Variants in CNTNAP2 observed in about 807,000 individuals in gnomAD.
CNTNAP2 encodes the protein contactin-associated protein-like 2.
CNTNAP2 carries 98 observed loss-of-function variants against 155.2 expected under a neutral mutation model. The observed-to-expected ratio is 0.63, with a 90% CI of 0.54 to 0.75. CNTNAP2 has a LOEUF of 0.75. CNTNAP2 is among the 30% of genes least tolerant of loss of function. CNTNAP2 has a pLI of 0.00. For synonymous variants in CNTNAP2, 651 were observed against 631.2 expected (o/e 1.03, Z -0.47); for missense variants, 1,727 against 1,688.1 (o/e 1.02, Z -0.40).
chr7:147,383,909 A>C (rs992462859), intron 9 of CNTNAP2, among the ~76,000 whole-genome samples: 45 of 152,178 alleles, frequency 3.0e-4, no homozygotes, highest in African/African-American at 1.1e-3. Context: ...TAACTAAATA[A>C]ACCAATGCAG....
chr7:147,350,280 A>C (rs1795946923), intron 9 of CNTNAP2, among the ~76,000 whole-genome samples: 1 of 151,962 alleles, frequency 6.6e-6, no homozygotes, highest in South Asian at 2.1e-4. Flanking sequence ...TGAAAATAAC[A>C]CAAGATTTAG....
At chr7:147,307,812 C>A (rs1795059051) in intron 9 of CNTNAP2, among the ~76,000 whole-genome samples, 1 of 152,154 alleles carries the variant, frequency 6.6e-6, no homozygotes, top group Non-Finnish European at 1.5e-5. Context: ...GGCCTACATT[C>A]ATTCATTTAT....
At chr7:147,705,537 AAGT>A in intron 13 of CNTNAP2, among the ~76,000 whole-genome samples, 1 of 152,254 alleles carries the variant, frequency 6.6e-6, no homozygotes, top group Middle Eastern at 3.4e-3. Context: ...CTGCTGAATG[AAGT>A]GTTCTCTAGA....
intron 12 of CNTNAP2, among the ~76,000 whole-genome samples, chr7:147,581,206 A>G (rs1800492770): frequency 1.3e-5 from 2 of 152,200 alleles, no homozygotes; most frequent in African/African-American, 4.8e-5. Context: ...TCATTATAAT[A>G]TCCACTTTAT....
At chr7:146,394,018 C>A (rs774630724) in intron 1 of CNTNAP2, among the ~76,000 whole-genome samples, 2 of 152,114 alleles carry the variant, frequency 1.3e-5, no homozygotes, top group African/African-American at 4.8e-5. Flanking sequence ...TTCTTCAGAT[C>A]TTTTCAAAGG....
rs376384211 is a variant in CNTNAP2 at position 148,169,819 on chromosome 7, G to A, written c.2774-2423G>A. Among the ~76,000 whole-genome samples, 4 of 149,796 alleles carry A rather than the reference G, an allele frequency of 2.7e-5. No homozygotes were observed. The South Asian group carries it at 8.5e-4, about 32-fold the overall frequency. On this transcript the variant is annotated intron_variant, in intron 17 of 23. Transcript: ENST00000361727. ...TACTAAAAATACAAAAATTAGCTGGGTGTGGTGGCGTGTGCCTGTAGTCCC... is the reference window on the plus strand; with the variant it reads ...TACTAAAAATACAAAAATTAGCTGGATGTGGTGGCGTGTGCCTGTAGTCCC...
chr7:147,325,296 C>T (rs573963017), intron 9 of CNTNAP2, among the ~76,000 whole-genome samples: 57 of 152,286 alleles, frequency 3.7e-4, no homozygotes, highest in African/African-American at 1.3e-3. Flanking sequence ...CAGGGCAAGA[C>T]TCCATCTCAA....
At position 146,622,380 on chromosome 7, in the gene CNTNAP2, C is replaced by T. The variant is rs530666344; in HGVS notation, c.98-151891C>T. On this transcript the variant is annotated intron_variant, in intron 1 of 23. Coordinates refer to ENST00000361727, the MANE Select transcript of CNTNAP2 (RefSeq NM_014141.6). The stretch of plus-strand genomic sequence containing the variant: ...TGTTGTTGTTGGGTAATGGTACTTA[C>T]CAGAAACCAGTATCTGGATGCTATG... 2.6e-5 allele frequency among the ~76,000 whole-genome samples: 4 copies of T among 151,794 alleles called. No homozygotes were observed. The East Asian group carries it at 7.8e-4, about 29-fold the overall frequency.
chr7:147,367,885 A>T (rs1310120195), intron 9 of CNTNAP2, among the ~76,000 whole-genome samples: 1 of 151,924 alleles, frequency 6.6e-6, no homozygotes, highest in Non-Finnish European at 1.5e-5. Flanking sequence ...TTTACTTTTC[A>T]CTCTACCATC....
intron 1 of CNTNAP2, among the ~76,000 whole-genome samples, chr7:146,543,689 C>A (rs966257874): frequency 5.9e-5 from 9 of 151,884 alleles, no homozygotes; most frequent in Non-Finnish European, 8.8e-5. Context: ...GTTTCCTAAA[C>A]CCTCTTTACT....
At chr7:147,306,871 C>T (rs1795038932) in intron 9 of CNTNAP2, among the ~76,000 whole-genome samples, 2 of 152,208 alleles carry the variant, frequency 1.3e-5, no homozygotes, top group East Asian at 3.9e-4. Context: ...TCATTAAAGA[C>T]TTTACTTGTA....
intron 13 of CNTNAP2, among the ~76,000 whole-genome samples, chr7:147,776,011 T>TC (rs1224315290): frequency 6.6e-6 from 1 of 152,208 alleles, no homozygotes; most frequent in African/African-American, 2.4e-5. Flanking sequence ...AAGTAGTTTT[T>TC]CACTCAATAT....
chr7:147,944,069 A>G (rs1410738596), intron 14 of CNTNAP2, among the ~76,000 whole-genome samples: 2 of 152,172 alleles, frequency 1.3e-5, no homozygotes, highest in African/African-American at 4.8e-5. Flanking sequence ...TTCCCAGTCT[A>G]TCAATCTCCA....
chr7:148,385,218 G>A (rs914632678), intron 22 of CNTNAP2, among the ~76,000 whole-genome samples: 5 of 152,154 alleles, frequency 3.3e-5, no homozygotes, highest in Admixed American at 2.0e-4. Context: ...ATTTACAGAC[G>A]AAACAATCCT....
chr7:146,799,075 G>T (rs1195600831), intron 2 of CNTNAP2, among the ~76,000 whole-genome samples: 1 of 152,024 alleles, frequency 6.6e-6, no homozygotes. Flanking sequence ...TTGATGTATT[G>T]GAAATGTGAT....
At chr7:146,201,452 G>A (rs1023773943) in intron 1 of CNTNAP2, among the ~76,000 whole-genome samples, 1 of 152,110 alleles carries the variant, frequency 6.6e-6, no homozygotes, top group African/African-American at 2.4e-5. Context: ...TCCCTCTGCT[G>A]GATGTTCAAG....
intron 3 of CNTNAP2, among the ~76,000 whole-genome samples, chr7:146,903,651 A>G (rs1267753498): frequency 2.0e-5 from 3 of 152,162 alleles, no homozygotes; most frequent in Non-Finnish European, 4.4e-5. Context: ...ACCTTAGGCA[A>G]AGGAATCAGC....
chr7:147,197,548 G>GA (rs771744538), intron 8 of CNTNAP2, among the ~76,000 whole-genome samples: 2 of 151,914 alleles, frequency 1.3e-5, no homozygotes, highest in Non-Finnish European at 2.9e-5. Flanking sequence ...TCTCTTGCCG[G>GA]AAAAAAGGGG....
At chr7:148,393,340 A>G (rs553487039) in intron 22 of CNTNAP2, among the ~76,000 whole-genome samples, 94 of 152,246 alleles carry the variant, frequency 6.2e-4, no homozygotes, top group African/African-American at 1.5e-3. Context: ...TTCCCTCTTC[A>G]GTCACCAACA....
Sources: allele counts gnomAD v4.1 joint callset (sites outside exome capture counted in the v4.1 genomes callset), GRCh38; gene constraint gnomAD v4.1.1; transcripts MANE v1.5; gene names NCBI Gene and HGNC (gene_info 2026-07-23, HGNC 2026-07-21).